Variants in MAPK14 observed in about 807,000 individuals in gnomAD.
MAPK14 encodes the protein mitogen-activated protein kinase 14.
In MAPK14, 16 loss-of-function variants were observed where a neutral mutation model predicts 49.6. The observed-to-expected ratio is 0.32, with a 90% CI of 0.22 to 0.49. MAPK14 has a LOEUF of 0.49. Ranked by LOEUF, MAPK14 falls within the 20% of genes least tolerant of loss-of-function variation. MAPK14 has a pLI of 0.99. For missense variants in MAPK14, 200 were observed against 441.2 expected, an observed-to-expected ratio of 0.45 and a Z score of 4.90; for synonymous variants, 142 against 158.0, an observed-to-expected ratio of 0.90 and a Z score of 0.76.
At chr6:36,123,301 C>A in the MAPK14 span, among the ~76,000 whole-genome samples, 1 of 152,184 alleles carries the variant, frequency 6.6e-6, no homozygotes, top group African/African-American at 2.4e-5. Context: ...CTGGTTCTTT[C>A]ACCACCATAC....
intron 2 of MAPK14, among the ~76,000 whole-genome samples, chr6:36,058,026 G>C (rs1031745615): frequency 4.7e-4 from 72 of 152,306 alleles, no homozygotes; most frequent in African/African-American, 1.6e-3. Context: ...GGAGGGTGCT[G>C]TATGTGGATA....
At chr6:36,046,760 A>G (rs1389798255) in intron 1 of MAPK14, among the ~76,000 whole-genome samples, 1 of 152,230 alleles carries the variant, frequency 6.6e-6, no homozygotes, top group African/African-American at 2.4e-5. Context: ...AGTCAAATAG[A>G]GATAAAAATA....
intron 6 of MAPK14, 94 bp from the exon 7 acceptor site, chr6:36,075,754 G>A: frequency 1.9e-6 from 3 of 1,546,158 alleles, no homozygotes; most frequent in African/African-American, 1.4e-5. Context: ...TTTTAATAAG[G>A]CAACAGAGGT....
chr6:36,071,776 C>T (rs1421717137), intron 3 of MAPK14, among the ~76,000 whole-genome samples: 1 of 152,160 alleles, frequency 6.6e-6, no homozygotes, highest in South Asian at 2.1e-4. Context: ...GTAAGTTATA[C>T]TATATATTTG....
chr6:36,105,483 G>T (rs1365680583), intron 10 of MAPK14, among the ~76,000 whole-genome samples: 1 of 152,096 alleles, frequency 6.6e-6, no homozygotes, highest in Non-Finnish European at 1.5e-5. Context: ...TACCCTAAGG[G>T]TAACAGAGAC....
chr6:36,085,370 C>T (rs6908622), intron 8 of MAPK14, among the ~76,000 whole-genome samples: 21,755 of 152,000 alleles, frequency 0.14, 1,934 homozygotes, highest in African/African-American at 0.26. Flanking sequence ...AAACACAGAA[C>T]GGCAAGCTGG....
intron 1 of MAPK14, among the ~76,000 whole-genome samples, chr6:36,048,995 A>C (rs986577448): frequency 2.2e-4 from 34 of 152,256 alleles, no homozygotes; most frequent in African/African-American, 8.0e-4. Context: ...CAGCACATGC[A>C]GTGGAGACAG....
chr6:36,083,894 A>G (rs1029342000), intron 8 of MAPK14, among the ~76,000 whole-genome samples: 1 of 152,054 alleles, frequency 6.6e-6, no homozygotes, highest in Non-Finnish European at 1.5e-5. Flanking sequence ...TCTTGACTGG[A>G]TGAGACCCCT....
At chr6:36,037,612 G>A (rs951983686) in intron 1 of MAPK14, among the ~76,000 whole-genome samples, 4 of 152,120 alleles carry the variant, frequency 2.6e-5, no homozygotes, top group African/African-American at 7.2e-5. Flanking sequence ...TATACCTTGA[G>A]TGCCTACCAT....
intron 8 of MAPK14, among the ~76,000 whole-genome samples, chr6:36,085,479 T>C (rs1035326387): frequency 1.3e-5 from 2 of 152,018 alleles, no homozygotes; most frequent in African/African-American, 4.8e-5. Context: ...GGAGGAAAAT[T>C]TACCAAGCAA....
chr6:36,062,505 C>T (rs1763862133), intron 3 of MAPK14, among the ~76,000 whole-genome samples: 1 of 152,158 alleles, frequency 6.6e-6, no homozygotes, highest in African/African-American at 2.4e-5. Flanking sequence ...CGAAAACCTA[C>T]ACTTCTGGCC....
chr6:36,065,798 A>G (rs1764032513), intron 3 of MAPK14, among the ~76,000 whole-genome samples: 1 of 152,088 alleles, frequency 6.6e-6, no homozygotes, highest in African/African-American at 2.4e-5. Context: ...AAAAGATATC[A>G]TTTTACCAGA....
intron 3 of MAPK14, among the ~76,000 whole-genome samples, chr6:36,062,313 A>G (rs1325419640): frequency 2.0e-5 from 3 of 152,176 alleles, no homozygotes; most frequent in Non-Finnish European, 4.4e-5. Flanking sequence ...GGATATGCAT[A>G]AGAAACTAAA....
chr6:36,042,045 A>G (rs1275668156), intron 1 of MAPK14, among the ~76,000 whole-genome samples: 1 of 95,644 alleles, frequency 1.0e-5, no homozygotes, highest in Non-Finnish European at 2.7e-5. Flanking sequence ...ACAAGAGAAA[A>G]CATAAACCAA....
intron 1 of MAPK14, among the ~76,000 whole-genome samples, chr6:36,047,373 C>T (rs1763220103): frequency 6.6e-6 from 1 of 152,112 alleles, no homozygotes; most frequent in Non-Finnish European, 1.5e-5. Context: ...CTGAAAGGAG[C>T]TAGCAGAACA....
Position 36,110,996 on chromosome 6 carries a change from T to C in MAPK14, c.*2549T>C, listed in dbSNP as rs1562160078. The C allele has an allele frequency of 6.6e-6, 1 of 152,212 alleles. No individual in the cohort carries two copies. Among genetic ancestry groups the C allele is most frequent in the Non-Finnish European group, 1.5e-5 (1 of 68,030 alleles). 9.4% of individuals were successfully genotyped at this position (152,212 alleles called of 1,614,324 possible). ...GAGCAAATGAACGAAGTATTAAGCATTGGGGCCTGTCTTATCTACACTCGA... is the reference window on the plus strand; with the variant it reads ...GAGCAAATGAACGAAGTATTAAGCACTGGGGCCTGTCTTATCTACACTCGA... On this transcript the variant is annotated 3_prime_UTR_variant, in exon 12 of 12. Transcript: ENST00000229794.
chr6:36,093,138 A>G (rs1765304812), intron 8 of MAPK14, among the ~76,000 whole-genome samples: 2 of 152,182 alleles, frequency 1.3e-5, no homozygotes, highest in Admixed American at 1.3e-4. Flanking sequence ...ATGAGTACAT[A>G]AATAAGTACT....
intron 3 of MAPK14, among the ~76,000 whole-genome samples, chr6:36,069,838 G>T (rs1262920328): frequency 2.0e-5 from 3 of 152,036 alleles, no homozygotes; most frequent in African/African-American, 7.3e-5. Context: ...TAGTAGTTTT[G>T]CCTAACCTTT....
chr6:36,064,937 C>T lies in MAPK14; in HGVS notation c.305+5590C>T, dbSNP rs572270786. The stretch of plus-strand genomic sequence containing the variant: ...TCACCTAGTCCTCTTTCCACTCTGT[C>T]TCCACCCCAGTCACTCTGGCCTCTT... On this transcript the variant is annotated intron_variant, in intron 3 of 11. Coordinates refer to ENST00000229794, the MANE Select transcript of MAPK14 (RefSeq NM_139012.3). Among the ~76,000 whole-genome samples, 18 of 152,322 alleles carry T rather than the reference C, an allele frequency of 1.2e-4. No homozygotes were observed. In the East Asian group the frequency reaches 3.5e-3, roughly 29 times the overall value.
Sources: gnomAD v4.1 joint callset for allele counts (sites outside exome capture counted in the v4.1 genomes callset) on GRCh38, gnomAD v4.1.1 for gene constraint, MANE v1.5 for transcripts, NCBI Gene and HGNC (gene_info 2026-07-23, HGNC 2026-07-21) for gene names.